VPS41: variants seen among roughly 807,000 people sequenced by gnomAD.
The protein encoded by VPS41 is vacuolar protein sorting-associated protein 41 homolog.
In VPS41, 85 loss-of-function variants were observed where a neutral mutation model predicts 130.9. The ratio of observed to expected loss-of-function variants is 0.65; its 90% CI spans 0.55 to 0.78. VPS41 has a LOEUF of 0.78. Ranked by LOEUF, VPS41 falls within the 30% of genes least tolerant of loss-of-function variation. VPS41 has a pLI of 0.00. For missense variants in VPS41, 874 were observed against 1,018.7 expected (o/e 0.86, Z 1.93); for synonymous variants, 335 against 332.9 (o/e 1.01, Z -0.07).
chr7:38,795,763 CA>C lies in VPS41; in HGVS notation c.571-153del, dbSNP rs1220637465. On this transcript the variant is annotated intron_variant, in intron 8 of 28. Transcript: ENST00000310301. ...GCAAGGAAAATGCTCCTGCTCCACACAAACCCTGTGGGAACTAAAACCACAA... is the reference window on the plus strand; with the variant it reads ...GCAAGGAAAATGCTCCTGCTCCACACAACCCTGTGGGAACTAAAACCACAA... 3.3e-5 allele frequency: 21 copies of C among 641,106 alleles called. No homozygotes were observed. The Admixed American group carries it at 3.5e-4, about 11-fold the overall frequency. 39.7% of individuals were successfully genotyped at this position (641,106 alleles called of 1,614,324 possible).
chr7:38,889,559 C>CAAAAAAAAAAAAAAAACAAAAA (rs200201294), intron 2 of VPS41, among the ~76,000 whole-genome samples: 1 of 120,150 alleles, frequency 8.3e-6, no homozygotes, highest in Non-Finnish European at 1.7e-5. Flanking sequence ...CAAAACAAAA[C>CAAAAAAAAAAAAAAAACAAAAA]AAAAAAAAAA....
At chr7:38,834,099 T>C (rs1785442316) in intron 4 of VPS41, among the ~76,000 whole-genome samples, 2 of 114,794 alleles carry the variant, frequency 1.7e-5, no homozygotes, top group African/African-American at 3.8e-5. Context: ...TATCCATTCA[T>C]GGTATTTAAA....
At chr7:38,882,930 T>C (rs1196502037) in intron 2 of VPS41, among the ~76,000 whole-genome samples, 1 of 152,164 alleles carries the variant, frequency 6.6e-6, no homozygotes, top group African/African-American at 2.4e-5. Context: ...TCTCCAATGC[T>C]TTCCAGCTTA....
intron 5 of VPS41, among the ~76,000 whole-genome samples, chr7:38,821,811 G>C (rs1354291033): frequency 6.6e-6 from 1 of 152,038 alleles, no homozygotes; most frequent in Admixed American, 6.6e-5. Flanking sequence ...TCCATGGATA[G>C]AGTTCCCTTC....
intron 4 of VPS41, among the ~76,000 whole-genome samples, chr7:38,861,500 A>C (rs1197621966): frequency 6.6e-6 from 1 of 152,194 alleles, no homozygotes; most frequent in African/African-American, 2.4e-5. Context: ...TGCCTGATGC[A>C]TGAGTATGAT....
rs1358339020 is a variant in VPS41, at chr7:38,826,671, C to T, written c.321+3583G>A. Among the ~76,000 whole-genome samples, 5 of 152,022 alleles carry T rather than the reference C, an allele frequency of 3.3e-5. No individual in the cohort carries two copies. In the East Asian group the frequency reaches 9.6e-4, roughly 29 times the overall value. On this transcript the variant is annotated intron_variant, in intron 5 of 28. Coordinates refer to ENST00000310301, the MANE Select transcript of VPS41 (RefSeq NM_014396.4). ...CCCATTTTACAGGGGAGGAAATGGG[C>T]TGAGGTAGAGAGAGGTATAAATAAC... is the stretch of plus-strand genomic sequence containing the variant.
At chr7:38,811,596 TAC>T (rs35859906) in intron 7 of VPS41, among the ~76,000 whole-genome samples, 78,157 of 148,332 alleles carry the variant, frequency 0.53, 20,883 homozygotes, top group East Asian at 0.75. Flanking sequence ...TGTTTTGTCA[TAC>T]ACACACACAC....
At chr7:38,813,271 A>C (rs1431564591) in intron 7 of VPS41, among the ~76,000 whole-genome samples, 1 of 152,206 alleles carries the variant, frequency 6.6e-6, no homozygotes, top group East Asian at 1.9e-4. Context: ...CAAAGGCCAT[A>C]TATTACATGA....
chr7:38,844,822 C>A (rs1361529668), intron 4 of VPS41, among the ~76,000 whole-genome samples: 1 of 152,140 alleles, frequency 6.6e-6, no homozygotes, highest in Non-Finnish European at 1.5e-5. Context: ...TTTGCAACTT[C>A]ATTTGACCCC....
At chr7:38,867,404 G>C (rs1379172102) in intron 3 of VPS41, among the ~76,000 whole-genome samples, 2 of 152,112 alleles carry the variant, frequency 1.3e-5, no homozygotes, top group East Asian at 3.9e-4. Context: ...AATTTGCCAG[G>C]TGTGGTGGCA....
intron 10 of VPS41, among the ~76,000 whole-genome samples, chr7:38,786,169 C>G (rs12113202): frequency 0.012 from 1,879 of 152,136 alleles, 50 homozygotes; most frequent in African/African-American, 0.042. Context: ...ACCATGATTA[C>G]AAGCAACAAC....
intron 2 of VPS41, among the ~76,000 whole-genome samples, chr7:38,890,307 A>G (rs139867565): frequency 6.6e-6 from 1 of 152,358 alleles, no homozygotes; most frequent in African/African-American, 2.4e-5. Flanking sequence ...ATATGGTTCT[A>G]TGCATATAGT....
At chr7:38,850,510 G>A (rs1785830804) in intron 4 of VPS41, among the ~76,000 whole-genome samples, 2 of 152,042 alleles carry the variant, frequency 1.3e-5, no homozygotes, top group South Asian at 4.1e-4. Context: ...AGATCAAAAC[G>A]AGTGTACAAG....
rs1363042486 is a variant in VPS41, at chr7:38,909,140, C to A, written c.21+14G>T. 7 of 1,614,200 alleles carry A rather than the reference C, an allele frequency of 4.3e-6. No homozygotes were observed. Among genetic ancestry groups the A allele is most frequent in the Non-Finnish European group, 5.9e-6 (7 of 1,180,014 alleles). ...TATATCCCTGTGCCCTCAACTACCA[C>A]CTGCACCCTTTACCTGCTCCTCTGC... On this transcript the variant is annotated intron_variant, in intron 1 of 28. Transcript: ENST00000310301.
intron 12 of VPS41, 35 bp from the exon 13 acceptor site, chr7:38,772,672 C>T (rs771697520): frequency 1.4e-6 from 2 of 1,479,566 alleles, no homozygotes; most frequent in Non-Finnish European, 1.9e-6. Flanking sequence ...GACTTGGTGA[C>T]TGAACAGCAG....
intron 7 of VPS41, among the ~76,000 whole-genome samples, chr7:38,800,388 A>G (rs1214207388): frequency 6.6e-6 from 1 of 152,094 alleles, no homozygotes; most frequent in African/African-American, 2.4e-5. Flanking sequence ...GCGTGCTGAA[A>G]TTTTATATTA....
intron 27 of VPS41, 24 bp downstream of exon 27, chr7:38,728,517 AT>A (rs765613044): frequency 1.2e-6 from 2 of 1,613,778 alleles, no homozygotes; most frequent in African/African-American, 1.3e-5. Context: ...CATGTTTGGG[AT>A]TTTTTTGGGG....
chr7:38,767,976 G>C lies in VPS41; in HGVS notation c.1186-378C>G, dbSNP rs535981623. ...ATTGTTTCCTGTGCCTTCATCTGTAGAATGCAAGCTACCTACTTCTTCTAC... is the reference window on the plus strand; with the variant it reads ...ATTGTTTCCTGTGCCTTCATCTGTACAATGCAAGCTACCTACTTCTTCTAC... On this transcript the variant is annotated intron_variant, in intron 14 of 28. Coordinates refer to ENST00000310301, the MANE Select transcript of VPS41 (RefSeq NM_014396.4). Among the ~76,000 whole-genome samples, 18 of 152,238 alleles carry C rather than the reference G, an allele frequency of 1.2e-4. No homozygotes were observed. The South Asian group carries it at 3.5e-3, about 30-fold the overall frequency.
intron 5 of VPS41, among the ~76,000 whole-genome samples, chr7:38,823,213 G>A (rs1205593510): frequency 6.6e-6 from 1 of 152,144 alleles, no homozygotes; most frequent in African/African-American, 2.4e-5. Context: ...GGGGTAACTA[G>A]CTATAGCTTG....
Sources: allele counts gnomAD v4.1 joint callset (sites outside exome capture counted in the v4.1 genomes callset), GRCh38; gene constraint gnomAD v4.1.1; transcripts MANE v1.5; gene names NCBI Gene and HGNC (gene_info 2026-07-23, HGNC 2026-07-21).